The following AKIRIN1 variants were observed in gnomAD, a reference collection of about 807,000 sequenced individuals.
The protein encoded by AKIRIN1 is akirin-1.
In AKIRIN1, 4 loss-of-function variants were observed where a neutral mutation model predicts 25.9. The ratio of observed to expected loss-of-function variants is 0.15; its 90% CI spans 0.08 to 0.35. The LOEUF (loss-of-function observed/expected upper bound fraction) is 0.35, where lower values mean the gene tolerates loss of function less well. AKIRIN1 is among the 10% of genes least tolerant of loss of function. The pLI, the probability that AKIRIN1 is intolerant of heterozygous loss-of-function variation, is 1.00. For missense variants in AKIRIN1, 243 were observed against 266.1 expected, an observed-to-expected ratio of 0.91 and a Z score of 0.61; for synonymous variants, 125 against 105.1, an observed-to-expected ratio of 1.19 and a Z score of -1.16.
rs952680537 is a variant in AKIRIN1 at position 39,005,775 on chromosome 1, T to G, written c.*1720T>G. On this transcript the variant is annotated 3_prime_UTR_variant, in exon 5 of 5. Transcript: ENST00000432648. The stretch of plus-strand genomic sequence containing the variant: ...TTCACATTCGAAGATTCCTTATTAA[T>G]GAATGTCTTTGACTTAAATCTAACC... 7.2e-5 allele frequency: 11 copies of G among 152,234 alleles called. No homozygotes were observed. The highest frequency in any genetic ancestry group is 2.7e-4 in the African/African-American group (11 of 41,464). 9.4% of individuals were successfully genotyped at this position (152,234 alleles called of 1,614,324 possible).
rs1197015100 is a variant in AKIRIN1 at position 39,006,036 on chromosome 1, A to G, written c.*1981A>G. 1 of 151,578 alleles carries G rather than the reference A, an allele frequency of 6.6e-6. No individual in the cohort carries two copies. The highest frequency in any genetic ancestry group is 1.5e-5 in the Non-Finnish European group (1 of 67,906). 9.4% of individuals were successfully genotyped at this position (151,578 alleles called of 1,614,324 possible). On this transcript the variant is annotated 3_prime_UTR_variant, in exon 5 of 5. Coordinates refer to ENST00000432648, the MANE Select transcript of AKIRIN1 (RefSeq NM_024595.3). Reference sequence around the variant, plus strand: ...GCCCAACAGTGATTTTTTTTTAATAATTAAAGAATGATTTTACTTTGTATT... The same window carrying G: ...GCCCAACAGTGATTTTTTTTTAATAGTTAAAGAATGATTTTACTTTGTATT...
At chr1:38,992,553 C>T (rs1224908760) in intron 1 of AKIRIN1, among the ~76,000 whole-genome samples, 1 of 152,142 alleles carries the variant, frequency 6.6e-6, no homozygotes, top group Admixed American at 6.6e-5. Context: ...GCAGTGCCTT[C>T]AGGTTTCATT....
chr1:38,996,019 G>GC (rs1283707318), intron 1 of AKIRIN1, among the ~76,000 whole-genome samples: 5 of 152,130 alleles, frequency 3.3e-5, no homozygotes, highest in African/African-American at 1.2e-4. Flanking sequence ...GGGCGACAGG[G>GC]TAAGACTCTC....
chr1:38,998,717 A>G (rs1643966121), intron 2 of AKIRIN1, among the ~76,000 whole-genome samples: 1 of 152,096 alleles, frequency 6.6e-6, no homozygotes, highest in South Asian at 2.1e-4. Flanking sequence ...CGGCCTGGCC[A>G]ACATGGCAAA....
chr1:38,998,148 C>G (rs2148067281), intron 1 of AKIRIN1, 23 bp from the exon 2 acceptor site: 1 of 1,596,448 alleles, frequency 6.3e-7, no homozygotes, highest in East Asian at 2.2e-5. Flanking sequence ...AGTGAAAGCT[C>G]AAGTTTGTTT....
Position 38,991,324 on chromosome 1 carries a change from G to A in AKIRIN1, c.-57G>A, listed in dbSNP as rs1205521123. 5.4e-6 allele frequency: 7 copies of A among 1,292,660 alleles called. No homozygotes were observed. The highest frequency in any genetic ancestry group is 2.9e-4 in the Middle Eastern group (1 of 3,410). 80.1% of individuals were successfully genotyped at this position (1,292,660 alleles called of 1,614,324 possible). On this transcript the variant is annotated 5_prime_UTR_variant, in exon 1 of 5. Transcript: ENST00000432648. ...CTTGGCTGGCGAGCCCGGCTGAGGA[G>A]CCTCTTGGGCCGCACTTACCGCCGC...
intron 2 of AKIRIN1, among the ~76,000 whole-genome samples, chr1:38,999,313 G>T (rs923562969): frequency 9.8e-5 from 15 of 152,318 alleles, no homozygotes; most frequent in African/African-American, 3.6e-4. Context: ...CCGGAATTAG[G>T]GTTAGGGGAG....
chr1:38,994,663 G>A lies in AKIRIN1; in HGVS notation c.220+3063G>A, dbSNP rs951088509. On this transcript the variant is annotated intron_variant, in intron 1 of 4. Transcript: ENST00000432648. ...TGGGATTACAGGCATGTGTCACTAC[G>A]CTCGGCTAATTTTTTTTTTTTTTTT... Among the ~76,000 whole-genome samples the A allele has an allele frequency of 2.7e-5, 3 of 111,646 alleles. 1 individual carries two copies. Among genetic ancestry groups the A allele is most frequent in the Non-Finnish European group, 5.2e-5 (3 of 57,578 alleles). The allele number at this position is 111,646 out of a possible 152,430, so 73.2% of individuals were successfully genotyped here.
intron 1 of AKIRIN1, among the ~76,000 whole-genome samples, chr1:38,995,803 C>T (rs908564775): frequency 2.0e-5 from 3 of 152,114 alleles, no homozygotes; most frequent in Non-Finnish European, 2.9e-5. Flanking sequence ...GAGGCCGAGG[C>T]GGGCGGATCA....
In AKIRIN1 at chr1:39,000,973, TTCC is replaced by T. The variant is rs1320639097; in HGVS notation, c.366_368del (p.Ser123del). On this transcript the variant is annotated inframe_deletion and splice_region_variant, in exon 3 of 5. Transcript: ENST00000432648. ...AAACTCACTTTTTCTTTTGGCCAGG[TTCC>T]TCATGGATGAAGAAGGACCAGCCCA... 2.5e-6 allele frequency: 4 copies of T among 1,609,626 alleles called. No homozygotes were observed. Among genetic ancestry groups the T allele is most frequent in the Admixed American group, 1.7e-5 (1 of 58,856 alleles).
chr1:38,991,668 GAGGGTT>G, intron 1 of AKIRIN1, 68 bp downstream of exon 1: 9 of 648,116 alleles, frequency 1.4e-5, no homozygotes, highest in South Asian at 3.8e-5. Flanking sequence ...GGTGGTGGGG[GAGGGTT>G]GGGAATACCA....
Position 38,992,957 on chromosome 1 carries a change from T to C in AKIRIN1, c.220+1357T>C, listed in dbSNP as rs180765489. 3.3e-5 allele frequency among the ~76,000 whole-genome samples: 5 copies of C among 152,306 alleles called. No homozygotes were observed. The East Asian group carries it at 9.6e-4, about 29-fold the overall frequency. ...CCTTATGTACAGGATGAGATAATGT[T>C]TGCAAAAGTCCATTTTAAAGAACCC... On this transcript the variant is annotated intron_variant, in intron 1 of 4. Coordinates refer to ENST00000432648, the MANE Select transcript of AKIRIN1 (RefSeq NM_024595.3).
intron 1 of AKIRIN1, among the ~76,000 whole-genome samples, chr1:38,996,183 C>T (rs1570972322): frequency 6.6e-6 from 1 of 151,962 alleles, no homozygotes. Context: ...CAATCTCCAC[C>T]TCCTGGGTTG....
intron 1 of AKIRIN1, among the ~76,000 whole-genome samples, chr1:38,992,398 G>A (rs900376580): frequency 3.9e-5 from 6 of 152,250 alleles, no homozygotes; most frequent in African/African-American, 7.2e-5. Flanking sequence ...TTAATATTCT[G>A]CGATTTTAAA....
In AKIRIN1 at chr1:39,004,296, C is replaced by T. The variant is rs1557644180; in HGVS notation, c.*241C>T. The T allele has an allele frequency of 7.5e-6, 5 of 664,042 alleles. No individual in the cohort carries two copies. The highest frequency in any genetic ancestry group is 5.7e-5 in the East Asian group (2 of 35,272). The allele number at this position is 664,042 out of a possible 1,614,324, so 41.1% of individuals were successfully genotyped here. A position where few individuals can be genotyped will look rare whatever the true frequency, so the allele number is the denominator to read the frequency against. On this transcript the variant is annotated 3_prime_UTR_variant, in exon 5 of 5. Coordinates refer to ENST00000432648, the MANE Select transcript of AKIRIN1 (RefSeq NM_024595.3). ...GCCCTACTGTGATAGATTTTCCAAA[C>T]AAAAATACCTGGAGCAGCAGTTTAG...
intron 3 of AKIRIN1, 21 bp downstream of exon 3, chr1:39,001,127 C>T: frequency 1.3e-6 from 2 of 1,595,836 alleles, no homozygotes; most frequent in Non-Finnish European, 1.7e-6. Context: ...GCAGTGACTG[C>T]CATTGTCATT....
At chr1:38,996,898 T>C (rs543291681) in intron 1 of AKIRIN1, among the ~76,000 whole-genome samples, 2 of 152,228 alleles carry the variant, frequency 1.3e-5, no homozygotes, top group South Asian at 4.1e-4. Context: ...GGACTTTGAC[T>C]ATGTGTGGAA....
chr1:38,991,517 C>T lies in AKIRIN1; in HGVS notation c.137C>T (p.Pro46Leu), dbSNP rs1456327090. 2.7e-6 allele frequency: 4 copies of T among 1,456,106 alleles called. No homozygotes were observed. The highest frequency in any genetic ancestry group is 3.6e-6 in the Non-Finnish European group (4 of 1,108,924). The allele number at this position is 1,456,106 out of a possible 1,614,324, so 90.2% of individuals were successfully genotyped here. A position where few individuals can be genotyped will look rare whatever the true frequency, so the allele number is the denominator to read the frequency against. The change falls in exon 1 of 5, where the codon CCG (proline) becomes CTG (leucine). Residue 46 changes from proline (P) to leucine (L), a missense_variant. Pro to Leu is a moderately conservative substitution (Grantham distance 98). Coordinates refer to ENST00000432648, the MANE Select transcript of AKIRIN1 (RefSeq NM_024595.3). ...PGLRPPDAEPPPPFQTQTPPQ... is the reference protein window; with the variant it reads ...PGLRPPDAEPLPPFQTQTPPQ... ...CTCAGGCCCCCGGACGCCGAGCCGC[C>T]GCCGCCGTTTCAGACGCAGACCCCA...
chr1:38,992,775 T>G (rs534124220), intron 1 of AKIRIN1, among the ~76,000 whole-genome samples: 1 of 152,298 alleles, frequency 6.6e-6, no homozygotes, highest in East Asian at 1.9e-4. Context: ...CCTCTGCTTT[T>G]TCCCCCAGAC....
Sources: gnomAD v4.1 joint callset for allele counts (sites outside exome capture counted in the v4.1 genomes callset) on GRCh38, gnomAD v4.1.1 for gene constraint, MANE v1.5 for transcripts, NCBI Gene and HGNC (gene_info 2026-07-23, HGNC 2026-07-21) for gene names.